C1QTNF3: variants seen among roughly 807,000 people sequenced by gnomAD.
C1QTNF3 encodes the protein C1q and TNF related 3.
C1QTNF3 carries 26 observed loss-of-function variants against 32.6 expected under a neutral mutation model. That is an observed-to-expected ratio of 0.80 (90% CI 0.58 to 1.11). The LOEUF is 1.11. Ranked by LOEUF, C1QTNF3 falls within the 50% of genes least tolerant of loss-of-function variation. The pLI, the probability that C1QTNF3 is intolerant of heterozygous loss-of-function variation, is 0.00. For missense variants in C1QTNF3, 362 were observed against 398.2 expected (o/e 0.91, Z 0.77); for synonymous variants, 155 against 146.0 (o/e 1.06, Z -0.44).
At chr5:34,235,715 G>T in the C1QTNF3 span, among the ~76,000 whole-genome samples, 41 of 151,392 alleles carry the variant, frequency 2.7e-4, no homozygotes, top group South Asian at 8.4e-3. Context: ...TTTTTTCACT[G>T]GGTATTACAA....
intron 1 of C1QTNF3, among the ~76,000 whole-genome samples, chr5:34,037,492 C>T (rs186301664): frequency 2.6e-5 from 4 of 152,288 alleles, no homozygotes; most frequent in African/African-American, 9.6e-5. Context: ...GAATTTTGTT[C>T]TCACTCTCTC....
At chr5:34,078,566 C>T in the C1QTNF3 span, among the ~76,000 whole-genome samples, 6 of 151,566 alleles carry the variant, frequency 4.0e-5, no homozygotes, top group Admixed American at 2.6e-4. The surrounding 1 kb of genome is among the most constrained non-coding windows in gnomAD (Gnocchi z 4.0). Context: ...CCTCCATGAT[C>T]GAATCACCTC....
intron 1 of C1QTNF3, among the ~76,000 whole-genome samples, chr5:34,039,528 A>G (rs1241295085): frequency 6.6e-6 from 1 of 152,124 alleles, no homozygotes; most frequent in Non-Finnish European, 1.5e-5. Context: ...GGCTCAGAGG[A>G]ACTTTGTAAT....
the C1QTNF3 span, among the ~76,000 whole-genome samples, chr5:34,125,930 A>C: frequency 6.6e-6 from 1 of 152,288 alleles, no homozygotes; most frequent in East Asian, 1.9e-4. Context: ...TGACTATTTG[A>C]GTGTCAAGGG....
At chr5:34,163,017 C>A in the C1QTNF3 span, among the ~76,000 whole-genome samples, 1 of 152,078 alleles carries the variant, frequency 6.6e-6, no homozygotes. Flanking sequence ...AATCAATGTA[C>A]AGAATGTTCC....
chr5:34,060,307 G>T, the C1QTNF3 span, among the ~76,000 whole-genome samples: 2 of 152,130 alleles, frequency 1.3e-5, no homozygotes, highest in African/African-American at 4.8e-5. Flanking sequence ...AACCTAGATG[G>T]TATCGCCTAC....
the C1QTNF3 span, among the ~76,000 whole-genome samples, chr5:34,090,132 TATGAC>T: frequency 1.3e-5 from 2 of 151,804 alleles, no homozygotes. Context: ...AAAAATTGCT[TATGAC>T]ACACCAGGTA....
the C1QTNF3 span, among the ~76,000 whole-genome samples, chr5:34,056,454 G>GTGTGTGTATATATA: frequency 3.3e-4 from 16 of 48,958 alleles, 1 homozygote; most frequent in East Asian, 2.9e-3. Flanking sequence ...GTGTGTGTGT[G>GTGTGTGTATATATA]TATATATATA....
chr5:34,137,358 T>C, the C1QTNF3 span, among the ~76,000 whole-genome samples: 1 of 152,194 alleles, frequency 6.6e-6, no homozygotes, highest in African/African-American at 2.4e-5. Flanking sequence ...AAAGCTTCAA[T>C]AGTCATGAAA....
the C1QTNF3 span, among the ~76,000 whole-genome samples, chr5:34,155,182 G>A: frequency 6.6e-6 from 1 of 152,116 alleles, no homozygotes; most frequent in Non-Finnish European, 1.5e-5. Flanking sequence ...TGCAAATTAT[G>A]TTTTGGTCCT....
chr5:34,195,041 T>C, the C1QTNF3 span, among the ~76,000 whole-genome samples: 1,585 of 151,508 alleles, frequency 0.01, 1 homozygote, highest in South Asian at 0.028. Context: ...TGGTGTCCTA[T>C]TGCATAGTAG....
the C1QTNF3 span, among the ~76,000 whole-genome samples, chr5:34,084,808 TGTTTTTTTTCTG>T: frequency 3.4e-5 from 1 of 29,304 alleles, no homozygotes; most frequent in African/African-American, 1.3e-4. Flanking sequence ...TTGTTTTTTT[TGTTTTTTTTCTG>T]TGCAGAAGCT....
At chr5:34,138,691 C>A in the C1QTNF3 span, among the ~76,000 whole-genome samples, 2 of 152,114 alleles carry the variant, frequency 1.3e-5, no homozygotes, top group Non-Finnish European at 2.9e-5. Flanking sequence ...TAATTACCCA[C>A]ACAGCTGAAT....
the C1QTNF3 span, among the ~76,000 whole-genome samples, chr5:34,236,570 CTTTTTTTTTT>C: frequency 3.7e-5 from 1 of 27,292 alleles, no homozygotes; most frequent in African/African-American, 7.0e-5. Context: ...TTTCTTTTTT[CTTTTTTTTTT>C]TTTTTTTTTT....
chr5:34,210,823 T>C, the C1QTNF3 span, among the ~76,000 whole-genome samples: 1 of 152,092 alleles, frequency 6.6e-6, no homozygotes, highest in Non-Finnish European at 1.5e-5. Flanking sequence ...TTTTTAATTA[T>C]ATAATTTTCT....
the C1QTNF3 span, among the ~76,000 whole-genome samples, chr5:34,103,753 C>T: frequency 7.0e-6 from 1 of 143,160 alleles, no homozygotes; most frequent in African/African-American, 2.6e-5. Flanking sequence ...ACCTGGGAGG[C>T]GGAGGTTGTA....
chr5:34,037,778 T>C (rs548448826), intron 1 of C1QTNF3, among the ~76,000 whole-genome samples: 1 of 152,320 alleles, frequency 6.6e-6, no homozygotes, highest in African/African-American at 2.4e-5. Context: ...GGATTTTATC[T>C]GAGGGATTTC....
the C1QTNF3 span, among the ~76,000 whole-genome samples, chr5:34,186,761 T>C: frequency 6.6e-6 from 1 of 152,302 alleles, no homozygotes; most frequent in African/African-American, 2.4e-5. Flanking sequence ...CATCAGTATC[T>C]CCCATCCCAC....
the C1QTNF3 span, among the ~76,000 whole-genome samples, chr5:34,147,586 T>C: frequency 6.6e-6 from 1 of 151,866 alleles, no homozygotes; most frequent in Admixed American, 6.6e-5. Context: ...ATATGGCATG[T>C]CCTCACTTAT....
Sources: gnomAD v4.1 joint callset for allele counts (sites outside exome capture counted in the v4.1 genomes callset) on GRCh38, gnomAD v4.1.1 for gene constraint, Gnocchi (gnomAD v3.1) non-coding constraint, MANE v1.5 for transcripts, NCBI Gene and HGNC (gene_info 2026-07-23, HGNC 2026-07-21) for gene names.